The following RSPO3 variants were observed in gnomAD, a reference collection of about 807,000 sequenced individuals.
RSPO3 encodes R-spondin 3.
In RSPO3, 17 loss-of-function variants were observed where a neutral mutation model predicts 36.5. The ratio of observed to expected loss-of-function variants is 0.47; its 90% CI spans 0.32 to 0.70. The LOEUF (loss-of-function observed/expected upper bound fraction) is 0.70. Ranked by LOEUF, RSPO3 falls within the 30% of genes least tolerant of loss-of-function variation. The pLI, the probability that RSPO3 is intolerant of heterozygous loss-of-function variation, is 0.04. For missense variants in RSPO3, 294 were observed against 322.5 expected (o/e 0.91, Z 0.68); for synonymous variants, 108 against 107.0 (o/e 1.01, Z -0.06).
At chr6:127,174,220 C>G (rs190437892) in intron 4 of RSPO3, among the ~76,000 whole-genome samples, 135 of 151,958 alleles carry the variant, frequency 8.9e-4, no homozygotes, top group African/African-American at 3.2e-3. Context: ...GTCAGGAACA[C>G]ATGGATATGT....
In RSPO3 at chr6:127,195,843, A is replaced by G. The variant is rs1365369825; in HGVS notation, c.655A>G (p.Lys219Glu). The change falls in exon 5 of 5, where the codon AAA becomes GAA. Residue 219 changes from lysine to glutamate, a missense_variant. Physicochemically the swap from Lys to Glu is moderately conservative, Grantham distance 56. Transcript: ENST00000356698. Reference sequence around the variant, plus strand: ...TTCAGGAAAAAAAGGAAGGGAGAGGAAAAGAAAAAAACCTAATAAAGGAGA... The same window carrying G: ...TTCAGGAAAAAAAGGAAGGGAGAGGGAAAGAAAAAAACCTAATAAAGGAGA... Reference protein sequence around the residue: ...GERGKKGRERKRKKPNKGESK... With the variant: ...GERGKKGRERERKKPNKGESK... The G allele has an allele frequency of 1.3e-6, 2 of 1,552,952 alleles. No homozygotes were observed. The highest frequency in any genetic ancestry group is 4.7e-5 in the East Asian group (2 of 42,970).
At chr6:127,185,824 G>C (rs2114258311) in intron 4 of RSPO3, among the ~76,000 whole-genome samples, 1 of 152,200 alleles carries the variant, frequency 6.6e-6, no homozygotes, top group South Asian at 2.1e-4. Context: ...AAGATTTCTT[G>C]TATAATCAAT....
intron 4 of RSPO3, among the ~76,000 whole-genome samples, chr6:127,166,708 A>G (rs1774827867): frequency 6.6e-6 from 1 of 151,986 alleles, no homozygotes; most frequent in Non-Finnish European, 1.5e-5. Flanking sequence ...TTAAATATTA[A>G]TATATTCTGC....
intron 1 of RSPO3, among the ~76,000 whole-genome samples, chr6:127,139,044 G>A (rs1254058225): frequency 6.6e-6 from 1 of 152,154 alleles, no homozygotes; most frequent in East Asian, 1.9e-4. Flanking sequence ...TTACAAAGGT[G>A]CATGTATATT....
intron 2 of RSPO3, among the ~76,000 whole-genome samples, chr6:127,149,111 G>GCAA (rs1392760903): frequency 3.9e-5 from 6 of 152,168 alleles, no homozygotes; most frequent in African/African-American, 1.2e-4. Flanking sequence ...GAAAAGTACT[G>GCAA]CAAGCCTCAA....
chr6:127,161,958 A>G (rs949371109), intron 4 of RSPO3, among the ~76,000 whole-genome samples: 3 of 152,140 alleles, frequency 2.0e-5, no homozygotes, highest in East Asian at 3.9e-4. Flanking sequence ...CACTTACTTA[A>G]CAATTTGTGG....
chr6:127,159,644 CTTTTTTTTTTT>C (rs869033594), intron 4 of RSPO3, among the ~76,000 whole-genome samples: 12 of 123,284 alleles, frequency 9.7e-5, no homozygotes, highest in African/African-American at 2.9e-4. Flanking sequence ...ATACATTCTC[CTTTTTTTTTTT>C]TTTTTTTTTT....
intron 4 of RSPO3, among the ~76,000 whole-genome samples, chr6:127,158,943 A>ATT: frequency 6.6e-6 from 1 of 152,290 alleles, no homozygotes; most frequent in Middle Eastern, 3.4e-3. Context: ...AAAAATATAG[A>ATT]TTTTAAGAGA....
intron 1 of RSPO3, among the ~76,000 whole-genome samples, chr6:127,147,635 A>C (rs1049890857): frequency 5.9e-5 from 9 of 152,206 alleles, no homozygotes; most frequent in Admixed American, 5.9e-4. Flanking sequence ...AATAGTCAAA[A>C]GAAGATTTAA....
At chr6:127,136,174 G>A (rs1001240684) in intron 1 of RSPO3, among the ~76,000 whole-genome samples, 8 of 152,148 alleles carry the variant, frequency 5.3e-5, no homozygotes, top group African/African-American at 1.9e-4. Flanking sequence ...ACCTTCCAGA[G>A]AAGGGCTCTA....
chr6:127,134,364 T>C (rs1050655481), intron 1 of RSPO3, among the ~76,000 whole-genome samples: 5 of 152,204 alleles, frequency 3.3e-5, no homozygotes, highest in African/African-American at 9.7e-5. Context: ...TTGACTAATT[T>C]CTATAGCTGA....
rs181151051 is a variant in RSPO3 at position 127,182,420 on chromosome 6, C to T, written c.635-13403C>T. 5.7e-3 allele frequency among the ~76,000 whole-genome samples: 867 copies of T among 151,542 alleles called. 3 individuals carry two copies. Among genetic ancestry groups the T allele is most frequent in the Non-Finnish European group, 7.3e-3 (497 of 67,798 alleles). ...CTCTTTACCCCTTTAAAACTTTTTT[C>T]TATCTATTTCATCTGGCCTTCTTTT... On this transcript the variant is annotated intron_variant, in intron 4 of 4. Coordinates refer to ENST00000356698, the MANE Select transcript of RSPO3 (RefSeq NM_032784.5).
chr6:127,119,366 G>C (rs1163750640), intron 1 of RSPO3, 77 bp downstream of exon 1: 2 of 1,044,200 alleles, frequency 1.9e-6, no homozygotes, highest in African/African-American at 3.2e-5. Context: ...GTCCGGAGCC[G>C]GCTCCCAACT....
intron 1 of RSPO3, among the ~76,000 whole-genome samples, chr6:127,141,840 GGCAT>G (rs1774276960): frequency 6.6e-6 from 1 of 151,944 alleles, no homozygotes; most frequent in South Asian, 2.1e-4. Flanking sequence ...TGCATGCATG[GGCAT>G]GCATGCGTGC....
chr6:127,172,641 A>G (rs1774962927), intron 4 of RSPO3, among the ~76,000 whole-genome samples: 1 of 151,864 alleles, frequency 6.6e-6, no homozygotes. Flanking sequence ...ATCCATTACC[A>G]TAACCATATT....
At chr6:127,161,821 T>G (rs1774715533) in intron 4 of RSPO3, among the ~76,000 whole-genome samples, 2 of 152,324 alleles carry the variant, frequency 1.3e-5, no homozygotes, top group Non-Finnish European at 2.9e-5. Flanking sequence ...AATAGAGTGG[T>G]AGCATTCTTC....
At chr6:127,164,091 A>G (rs538835293) in intron 4 of RSPO3, among the ~76,000 whole-genome samples, 1 of 152,138 alleles carries the variant, frequency 6.6e-6, no homozygotes. Flanking sequence ...TCCAAATAAA[A>G]AAGGATAGTG....
intron 1 of RSPO3, among the ~76,000 whole-genome samples, chr6:127,145,423 A>G (rs772060082): frequency 6.6e-5 from 10 of 152,194 alleles, no homozygotes; most frequent in African/African-American, 2.2e-4. Context: ...TTAAATTTCA[A>G]TCACTGGTGT....
chr6:127,166,500 T>C (rs1219266617), intron 4 of RSPO3, among the ~76,000 whole-genome samples: 2 of 152,008 alleles, frequency 1.3e-5, no homozygotes, highest in African/African-American at 2.4e-5. Flanking sequence ...TTCTTTAGCC[T>C]TTACATATCC....
Sources: gnomAD v4.1 joint callset for allele counts (sites outside exome capture counted in the v4.1 genomes callset) on GRCh38, gnomAD v4.1.1 for gene constraint, MANE v1.5 for transcripts, NCBI Gene and HGNC (gene_info 2026-07-23, HGNC 2026-07-21) for gene names.